Variants in DDAH1 observed in about 807,000 individuals in gnomAD.
The protein encoded by DDAH1 is N(G),N(G)-dimethylarginine dimethylaminohydrolase 1.
A neutral mutation model predicts 28.8 loss-of-function variants in DDAH1; 19 were observed. The observed-to-expected ratio is 0.66, with a 90% CI of 0.46 to 0.97. The LOEUF (loss-of-function observed/expected upper bound fraction) is 0.97, where lower values mean the gene tolerates loss of function less well. Among genes scored for constraint, DDAH1 ranks in the 50% least tolerant of loss-of-function variants. The pLI, the probability that DDAH1 is intolerant of heterozygous loss-of-function variation, is 0.00. For missense variants in DDAH1, 326 were observed against 375.9 expected, an observed-to-expected ratio of 0.87 and a Z score of 1.10; for synonymous variants, 153 against 154.4, an observed-to-expected ratio of 0.99 and a Z score of 0.07.
At chr1:85,348,828 C>T (rs566125937) in intron 4 of DDAH1, among the ~76,000 whole-genome samples, 46 of 152,292 alleles carry the variant, frequency 3.0e-4, no homozygotes, top group Middle Eastern at 3.4e-3. Context: ...GAGTTACAGA[C>T]CTATTGAGGT....
chr1:85,349,988 CT>C (rs1473340109), intron 4 of DDAH1, among the ~76,000 whole-genome samples: 1 of 152,078 alleles, frequency 6.6e-6, no homozygotes, highest in African/African-American at 2.4e-5. Context: ...CCATGGCTTT[CT>C]AAAAGATTAT....
At chr1:85,347,389 G>A (rs1648921489) in intron 4 of DDAH1, among the ~76,000 whole-genome samples, 1 of 152,272 alleles carries the variant, frequency 6.6e-6, no homozygotes, top group East Asian at 1.9e-4. Context: ...ATGATAGACT[G>A]GATTAAGAAA....
intron 1 of DDAH1, among the ~76,000 whole-genome samples, chr1:85,566,142 A>C (rs1288103714): frequency 6.6e-6 from 1 of 152,100 alleles, no homozygotes; most frequent in African/African-American, 2.4e-5. Flanking sequence ...TCATCAGCCA[A>C]TAAAAAAGGA....
intron 1 of DDAH1, among the ~76,000 whole-genome samples, chr1:85,568,485 A>G (rs779294232): frequency 3.9e-5 from 6 of 152,152 alleles, no homozygotes; most frequent in Non-Finnish European, 8.8e-5. Flanking sequence ...CTTTAACACT[A>G]TACAACAGAA....
chr1:85,340,906 C>G (rs533162328), intron 4 of DDAH1, among the ~76,000 whole-genome samples: 1 of 152,328 alleles, frequency 6.6e-6, no homozygotes, highest in African/African-American at 2.4e-5. Flanking sequence ...CAGCCATTGT[C>G]TCTTGATGGT....
At chr1:85,477,661 A>T (rs1026488593) in intron 2 of DDAH1, among the ~76,000 whole-genome samples, 1 of 151,938 alleles carries the variant, frequency 6.6e-6, no homozygotes, top group African/African-American at 2.4e-5. Flanking sequence ...TGCATATACT[A>T]TCTCTACTAT....
chr1:85,520,697 C>G (rs1657653475), intron 1 of DDAH1, among the ~76,000 whole-genome samples: 1 of 152,140 alleles, frequency 6.6e-6, no homozygotes, highest in Non-Finnish European at 1.5e-5. Context: ...ATGGACTGTG[C>G]CGAGGCACAA....
intron 1 of DDAH1, among the ~76,000 whole-genome samples, chr1:85,571,956 A>G (rs2100568554): frequency 6.6e-6 from 1 of 152,306 alleles, no homozygotes; most frequent in East Asian, 1.9e-4. Flanking sequence ...CACCTTGCGT[A>G]AGGCACATGC....
At chr1:85,351,661 T>A in intron 2 of DDAH1, 82 bp from the exon 3 acceptor site, 1 of 1,041,784 alleles carries the variant, frequency 9.6e-7, no homozygotes. Flanking sequence ...ATAATGACCT[T>A]AAAGCATCAC....
intron 4 of DDAH1, among the ~76,000 whole-genome samples, chr1:85,327,854 C>T (rs377554680): frequency 7.9e-5 from 12 of 152,320 alleles, no homozygotes; most frequent in African/African-American, 2.4e-4. Flanking sequence ...TAATAAAAGT[C>T]GGTTCACTTC....
At chr1:85,546,487 G>A (rs955966781) in intron 1 of DDAH1, among the ~76,000 whole-genome samples, 16 of 152,152 alleles carry the variant, frequency 1.1e-4, no homozygotes, top group Non-Finnish European at 2.2e-4. Flanking sequence ...AATGAACTAA[G>A]ACATTATTGT....
chr1:85,554,575 T>G (rs774570775), intron 1 of DDAH1, among the ~76,000 whole-genome samples: 1 of 152,238 alleles, frequency 6.6e-6, no homozygotes, highest in African/African-American at 2.4e-5. Context: ...TTGTCTCTAC[T>G]TTTAGAATAA....
intron 4 of DDAH1, among the ~76,000 whole-genome samples, chr1:85,328,698 C>T (rs1647572029): frequency 6.6e-6 from 1 of 152,162 alleles, no homozygotes; most frequent in African/African-American, 2.4e-5. Context: ...AAGTAGGACC[C>T]CAGTGGTTTG....
chr1:85,502,448 C>T (rs1451262117), intron 1 of DDAH1, among the ~76,000 whole-genome samples: 8 of 152,228 alleles, frequency 5.3e-5, no homozygotes, highest in African/African-American at 1.9e-4. Flanking sequence ...ACATGCTCAA[C>T]TGCTGGAATT....
intron 1 of DDAH1, among the ~76,000 whole-genome samples, chr1:85,441,536 T>A (rs1021743521): frequency 4.3e-5 from 2 of 46,896 alleles, no homozygotes; most frequent in Non-Finnish European, 9.5e-5. Flanking sequence ...TAAGACCCCA[T>A]CTCAAAAAAG....
intron 2 of DDAH1, among the ~76,000 whole-genome samples, chr1:85,472,481 T>C (rs1006798902): frequency 6.6e-6 from 1 of 152,140 alleles, no homozygotes. Flanking sequence ...CTTTTGAGAG[T>C]TGATTTTTCA....
chr1:85,573,457 A>G (rs1262033988), intron 1 of DDAH1, among the ~76,000 whole-genome samples: 1 of 152,214 alleles, frequency 6.6e-6, no homozygotes, highest in Non-Finnish European at 1.5e-5. Flanking sequence ...TAGAAGATGG[A>G]TTGCAGGGTG....
intron 4 of DDAH1, among the ~76,000 whole-genome samples, chr1:85,334,447 A>T (rs940598684): frequency 5.9e-5 from 9 of 152,164 alleles, no homozygotes; most frequent in Non-Finnish European, 1.2e-4. Flanking sequence ...CTGTGTCCCC[A>T]CCCAAATCTC....
chr1:85,346,494 AAAG>A (rs1648855224), intron 4 of DDAH1, among the ~76,000 whole-genome samples: 1 of 152,212 alleles, frequency 6.6e-6, no homozygotes, highest in Non-Finnish European at 1.5e-5. Flanking sequence ...TCTAATTAAA[AAAG>A]AAGATTCAGT....
Sources: allele counts gnomAD v4.1 joint callset (sites outside exome capture counted in the v4.1 genomes callset), GRCh38; gene constraint gnomAD v4.1.1; transcripts MANE v1.5; gene names NCBI Gene and HGNC (gene_info 2026-07-23, HGNC 2026-07-21).